Variants in CSF2RB observed in about 807,000 individuals in gnomAD.
The protein encoded by CSF2RB is cytokine receptor common subunit beta.
In CSF2RB, 22 loss-of-function variants were observed where a neutral mutation model predicts 67.2. The observed-to-expected ratio is 0.33, with a 90% CI of 0.23 to 0.47. CSF2RB has a LOEUF of 0.47. Ranked by LOEUF, CSF2RB falls within the 20% of genes least tolerant of loss-of-function variation. The pLI is 1.00. For synonymous variants in CSF2RB, 507 were observed against 482.9 expected (o/e 1.05, Z -0.65); for missense variants, 1,113 against 1,174.5 (o/e 0.95, Z 0.76).
At chr22:36,920,257 T>C (rs546902493) in intron 1 of CSF2RB, among the ~76,000 whole-genome samples, 5 of 150,874 alleles carry the variant, frequency 3.3e-5, no homozygotes, top group Non-Finnish European at 5.9e-5. Flanking sequence ...TTTTAACCTT[T>C]TAAAGTAAAA....
chr22:36,934,086 C>A, intron 10 of CSF2RB, 92 bp downstream of exon 10: 2 of 1,515,882 alleles, frequency 1.3e-6, no homozygotes, highest in Non-Finnish European at 9.0e-7. Flanking sequence ...CCGTAGCAGG[C>A]CTGCAACAAC....
rs776142666 is a variant in CSF2RB at position 36,930,771 on chromosome 22, A to G, written c.953A>G (p.Gln318Arg). 8.1e-6 allele frequency: 13 copies of G among 1,613,932 alleles called. No homozygotes were observed. In the East Asian group the frequency reaches 2.9e-4, roughly 36 times the overall value. ...GTGCCCGACCCCGCGACCCACGGCC[A>G]ATACATCGTCTCTGTTCAGCCAAGG... is the stretch of plus-strand genomic sequence containing the variant. ...IPVPDPATHG[Q>R]YIVSVQPRRA... Residue 318 changes from glutamine (Q) to arginine (R), a missense_variant, in exon 8 of 14, where the codon CAA becomes CGA. By Grantham distance (43) the Gln-to-Arg change is conservative (BLOSUM62 1). Transcript: ENST00000403662.
Position 36,930,261 on chromosome 22 carries a change from G to T in CSF2RB, c.719-114G>T, listed in dbSNP as rs558266599. On this transcript the variant is annotated intron_variant, in intron 6 of 13. Transcript: ENST00000403662. ...GGTTCAGGCTGAAGTTTCAGCCCTG[G>T]TCTTTTGGCCCCAGAGCTCATGACC... is the stretch of plus-strand genomic sequence containing the variant. 1.6e-5 allele frequency: 23 copies of T among 1,472,330 alleles called. No individual in the cohort carries two copies. The South Asian group carries it at 2.6e-4, about 17-fold the overall frequency. 91.2% of individuals were successfully genotyped at this position (1,472,330 alleles called of 1,614,324 possible).
chr22:36,937,327 A>C lies in CSF2RB; in HGVS notation c.1569-50A>C. On this transcript the variant is annotated intron_variant, in intron 13 of 13. Transcript: ENST00000403662. The surrounding 1 kb of genome is among the most constrained non-coding windows in gnomAD (Gnocchi z 4.6). Reference sequence around the variant, plus strand: ...ACCAAGACCCTTGTGCCTGACCCGGATCATCTGCCCAGGGTGGTCCCAACT... The same window carrying C: ...ACCAAGACCCTTGTGCCTGACCCGGCTCATCTGCCCAGGGTGGTCCCAACT... 6.2e-7 allele frequency: 1 copy of C among 1,602,516 alleles called. No homozygotes were observed. Among genetic ancestry groups the C allele is most frequent in the Non-Finnish European group, 8.5e-7 (1 of 1,176,422 alleles).
At chr22:36,919,720 T>G (rs1282540224) in intron 1 of CSF2RB, among the ~76,000 whole-genome samples, 2 of 151,414 alleles carry the variant, frequency 1.3e-5, no homozygotes, top group African/African-American at 2.4e-5. Flanking sequence ...CTTTGATTGA[T>G]TTTTTTTTAA....
At chr22:36,916,703 C>T (rs11913148) in intron 1 of CSF2RB, among the ~76,000 whole-genome samples, 9,123 of 151,934 alleles carry the variant, frequency 0.06, 481 homozygotes, top group African/African-American at 0.14. Flanking sequence ...ACTAAAAATA[C>T]GAAAAATTAG....
intron 4 of CSF2RB, among the ~76,000 whole-genome samples, chr22:36,927,496 G>A (rs955589473): frequency 6.6e-6 from 1 of 152,206 alleles, no homozygotes; most frequent in Non-Finnish European, 1.5e-5. Context: ...CTCTGGCAGG[G>A]TAACAGCTGT....
In CSF2RB at chr22:36,938,601, T is replaced by C. The variant is rs943130819; in HGVS notation, c.*99T>C. 3 of 1,334,464 alleles carry C rather than the reference T, an allele frequency of 2.2e-6. No homozygotes were observed. The highest frequency in any genetic ancestry group is 3.0e-6 in the Non-Finnish European group (3 of 988,150). The allele number at this position is 1,334,464 out of a possible 1,614,324, so 82.7% of individuals were successfully genotyped here. ...TCTGCAAAGCCAAGGGGCAGCCTCC[T>C]GTCAAGGTAGCTAGAGGCCTGGGAA... On this transcript the variant is annotated 3_prime_UTR_variant, in exon 14 of 14. Coordinates refer to ENST00000403662, the MANE Select transcript of CSF2RB (RefSeq NM_000395.3).
chr22:36,922,388 C>T, intron 2 of CSF2RB, 105 bp downstream of exon 2: 1 of 1,031,692 alleles, frequency 9.7e-7, no homozygotes, highest in Non-Finnish European at 1.5e-6. Flanking sequence ...AGCCCTCCTC[C>T]TGCTCCCCTC....
intron 1 of CSF2RB, among the ~76,000 whole-genome samples, chr22:36,918,390 C>T (rs1459326146): frequency 1.3e-5 from 2 of 152,074 alleles, no homozygotes; most frequent in Admixed American, 1.3e-4. Context: ...CCAATCTGAC[C>T]CTTGTTGCAT....
chr22:36,927,174 C>T (rs1423935117), intron 4 of CSF2RB, among the ~76,000 whole-genome samples: 1 of 152,150 alleles, frequency 6.6e-6, no homozygotes, highest in Admixed American at 6.5e-5. Flanking sequence ...TTTGCCACAA[C>T]ATCATAAAGC....
At chr22:36,927,922 T>C (rs1941058925) in intron 4 of CSF2RB, among the ~76,000 whole-genome samples, 1 of 152,164 alleles carries the variant, frequency 6.6e-6, no homozygotes, top group Non-Finnish European at 1.5e-5. Context: ...CAACCTTCTT[T>C]CCTTGAGCGC....
rs1420979434 is a variant in CSF2RB at position 36,940,010 on chromosome 22, G to A, written c.*1508G>A. 1 of 152,076 alleles carries A rather than the reference G, an allele frequency of 6.6e-6. No homozygotes were observed. The highest frequency in any genetic ancestry group is 1.5e-5 in the Non-Finnish European group (1 of 68,012). The allele number at this position is 152,076 out of a possible 1,614,324, so 9.4% of individuals were successfully genotyped here. On this transcript the variant is annotated 3_prime_UTR_variant, in exon 14 of 14. Coordinates refer to ENST00000403662, the MANE Select transcript of CSF2RB (RefSeq NM_000395.3). ...GGATGTGAGACTGAGGTGCCTTTTG[G>A]TACTGAAATTCTTTTTCCATGTACC...
chr22:36,933,892 T>A lies in CSF2RB; in HGVS notation c.1213T>A (p.Ser405Thr). The change falls in exon 10 of 14, where the codon TCC becomes ACC. Residue 405 changes from serine (S) to threonine (T), a missense_variant. Transcript: ENST00000403662. ...CATGGCCCTGCCAGCCCTGGAGCCC[T>A]CCACCAGGTACTGGGCCAGGGTGAG... ...HSMALPALEPSTRYWARVRVR... is the reference protein window; with the variant it reads ...HSMALPALEPTTRYWARVRVR... 6.2e-7 allele frequency: 1 copy of A among 1,611,332 alleles called. No individual in the cohort carries two copies. Among genetic ancestry groups the A allele is most frequent in the South Asian group, 1.1e-5 (1 of 91,034 alleles).
At chr22:36,920,067 C>G (rs1266731212) in intron 1 of CSF2RB, among the ~76,000 whole-genome samples, 1 of 152,184 alleles carries the variant, frequency 6.6e-6, no homozygotes. Context: ...CATCCCACCC[C>G]TGTTTTCTCA....
Position 36,926,148 on chromosome 22 carries a change from C to T in CSF2RB, c.362C>T (p.Thr121Ile), listed in dbSNP as rs1941011767. 1.9e-6 allele frequency: 3 copies of T among 1,614,154 alleles called. No individual in the cohort carries two copies. The highest frequency in any genetic ancestry group is 1.3e-5 in the African/African-American group (1 of 75,054). Reference sequence around the variant, plus strand: ...TTCCAACCAGACAGGCCTCTGGGCACCCGGCTCACCGTCACTCTGACCCAG... The same window carrying T: ...TTCCAACCAGACAGGCCTCTGGGCATCCGGCTCACCGTCACTCTGACCCAG... ...FSFQPDRPLG[T>I]RLTVTLTQHV... Residue 121 changes from threonine to isoleucine, a missense_variant, in exon 4 of 14, where the codon ACC (threonine) becomes ATC (isoleucine). Physicochemically the swap from Thr to Ile is moderately conservative, Grantham distance 89 (BLOSUM62 -1). Transcript: ENST00000403662.
intron 1 of CSF2RB, among the ~76,000 whole-genome samples, chr22:36,918,235 T>G (rs982434850): frequency 2.6e-5 from 4 of 152,224 alleles, no homozygotes; most frequent in Admixed American, 6.5e-5. Flanking sequence ...AAACTTTCTT[T>G]GTCCTTACAT....
Position 36,937,785 on chromosome 22 carries a change from C to A in CSF2RB, c.1977C>A (p.Ser659Arg), listed in dbSNP as rs775974230. 1 of 1,585,898 alleles carries A rather than the reference C, an allele frequency of 6.3e-7. No homozygotes were observed. Among genetic ancestry groups the A allele is most frequent in the Non-Finnish European group, 8.6e-7 (1 of 1,166,194 alleles). Reference protein sequence around the residue: ...GQAVEVERRPSQGAAGSPSLE... With the variant: ...GQAVEVERRPRQGAAGSPSLE... ...CCGTGGAAGTGGAGAGAAGGCCGAG[C>A]CAGGGGGCTGCAGGGAGTCCCTCCC... Residue 659 changes from serine (S) to arginine (R), a missense_variant, in exon 14 of 14, where the codon AGC becomes AGA. Physicochemically the swap from Ser to Arg is moderately radical, Grantham distance 110 (BLOSUM62 -1). Transcript: ENST00000403662. This position sits in a 1 kb window ranked among gnomAD's most constrained non-coding sequence, Gnocchi z 4.6.
chr22:36,930,895 G>C, intron 8 of CSF2RB, 65 bp downstream of exon 8: 4 of 1,583,442 alleles, frequency 2.5e-6, no homozygotes, highest in South Asian at 1.1e-5. Flanking sequence ...TGTGTAACCC[G>C]AATCAGTTCA....
Sources: allele counts gnomAD v4.1 joint callset (sites outside exome capture counted in the v4.1 genomes callset), GRCh38; gene constraint gnomAD v4.1.1; non-coding constraint Gnocchi (gnomAD v3.1); transcripts MANE v1.5; gene names NCBI Gene and HGNC (gene_info 2026-07-23, HGNC 2026-07-21).